LRTM1: variants seen among roughly 807,000 people sequenced by gnomAD.
LRTM1 encodes the protein leucine rich repeat transmembrane protein 1, also known as leucine-rich repeat and transmembrane domain-containing protein 1.
Under a neutral mutation model 32.4 loss-of-function variants are expected in LRTM1, and 38 were observed. The observed-to-expected ratio is 1.17, with a 90% CI of 0.91 to 1.54. The LOEUF (loss-of-function observed/expected upper bound fraction) is 1.54. Ranked by LOEUF, LRTM1 falls within the 40% of genes most tolerant of loss-of-function variation. The pLI, the probability that LRTM1 is intolerant of heterozygous loss-of-function variation, is 0.00. For synonymous variants in LRTM1, 186 were observed against 169.9 expected (o/e 1.09, Z -0.74); for missense variants, 466 against 415.4 (o/e 1.12, Z -1.06).
chr3:54,946,940 A>G (rs959852797), intron 1 of LRTM1, among the ~76,000 whole-genome samples: 1 of 152,192 alleles, frequency 6.6e-6, no homozygotes, highest in African/African-American at 2.4e-5. Flanking sequence ...ATAGTTAAGC[A>G]TTGTGAAAAA....
chr3:54,936,569 C>T (rs192120992), intron 1 of LRTM1, among the ~76,000 whole-genome samples: 21 of 152,314 alleles, frequency 1.4e-4, no homozygotes, highest in African/African-American at 4.6e-4. Flanking sequence ...GCACCTTCCC[C>T]TTCTGGTGCA....
intron 1 of LRTM1, among the ~76,000 whole-genome samples, chr3:54,934,853 T>A (rs1334981723): frequency 2.0e-5 from 3 of 152,160 alleles, no homozygotes; most frequent in Non-Finnish European, 4.4e-5. Context: ...TGCCTCAGCC[T>A]CCCGAGTAGC....
At chr3:54,945,444 T>C (rs992145591) in intron 1 of LRTM1, among the ~76,000 whole-genome samples, 1 of 152,186 alleles carries the variant, frequency 6.6e-6, no homozygotes, top group Non-Finnish European at 1.5e-5. Flanking sequence ...CAGGCATGTA[T>C]CTCTTTTTCC....
At chr3:54,935,058 G>T (rs1701295961) in intron 1 of LRTM1, among the ~76,000 whole-genome samples, 1 of 152,214 alleles carries the variant, frequency 6.6e-6, no homozygotes, top group Non-Finnish European at 1.5e-5. Flanking sequence ...CTATTTAGCA[G>T]TTTTCTCATC....
Position 54,942,597 on chromosome 3 carries a change from A to G in LRTM1, c.-221-17382T>C, listed in dbSNP as rs1317003637. 2.0e-5 allele frequency among the ~76,000 whole-genome samples: 3 copies of G among 152,284 alleles called. No individual in the cohort carries two copies. The East Asian group carries it at 5.8e-4, about 29-fold the overall frequency. On this transcript the variant is annotated intron_variant, in intron 1 of 2. Coordinates refer to the LRTM1 transcript ENST00000493075. ...GTGCTAAAGATGTTTTAAAAAGAAA[A>G]AGAAGCAGGAGCCAGGCATACTGGT...
chr3:54,951,999 C>T (rs559052622), intron 1 of LRTM1, among the ~76,000 whole-genome samples: 1 of 152,280 alleles, frequency 6.6e-6, no homozygotes, highest in Non-Finnish European at 1.5e-5. Context: ...CAGGTGCCTG[C>T]CACCATACCT....
upstream of LRTM1, among the ~76,000 whole-genome samples, chr3:54,928,877 A>T (rs1398886297): frequency 1.3e-5 from 2 of 151,894 alleles, no homozygotes; most frequent in South Asian, 2.1e-4. Flanking sequence ...GTCGACTGTG[A>T]CTCTTCTCTA....
intron 1 of LRTM1, among the ~76,000 whole-genome samples, chr3:54,936,537 C>G (rs915106017): frequency 2.0e-5 from 3 of 152,176 alleles, no homozygotes; most frequent in Non-Finnish European, 4.4e-5. Context: ...TTTGCTGCAG[C>G]CTCCATTCAG....
intron 1 of LRTM1, among the ~76,000 whole-genome samples, chr3:54,933,277 A>G (rs543784369): frequency 4.7e-4 from 72 of 152,364 alleles, no homozygotes; most frequent in African/African-American, 1.6e-3. Flanking sequence ...AAATTATGCT[A>G]TTTTAACAAA....
chr3:54,949,667 A>G (rs12636204), intron 1 of LRTM1, among the ~76,000 whole-genome samples: 2,915 of 152,204 alleles, frequency 0.019, 72 homozygotes, highest in African/African-American at 0.064. Context: ...GCAAACAGTA[A>G]CCTGAAAAAC....
intron 1 of LRTM1, among the ~76,000 whole-genome samples, chr3:54,956,507 A>G: frequency 6.6e-6 from 1 of 152,170 alleles, no homozygotes; most frequent in East Asian, 1.9e-4. Context: ...TAACGTTCTC[A>G]GTCTTTTCAA....
chr3:54,946,893 G>A (rs1701629695), intron 1 of LRTM1, among the ~76,000 whole-genome samples: 1 of 151,942 alleles, frequency 6.6e-6, no homozygotes, highest in Non-Finnish European at 1.5e-5. Context: ...TAGTGTGAAT[G>A]ATCTTTATCT....
intron 1 of LRTM1, among the ~76,000 whole-genome samples, chr3:54,954,655 C>T (rs995409921): frequency 2.0e-5 from 3 of 152,142 alleles, no homozygotes; most frequent in Non-Finnish European, 4.4e-5. Context: ...CAAACTGGCC[C>T]AGGCAGTTCC....
At chr3:54,947,029 A>G (rs75008231) in intron 1 of LRTM1, among the ~76,000 whole-genome samples, 2,654 of 152,320 alleles carry the variant, frequency 0.017, 70 homozygotes, top group African/African-American at 0.057. Flanking sequence ...TGGGTCATCA[A>G]TAATCTTTTC....
Position 54,924,697 on chromosome 3 carries a change from G to T in LRTM1, c.526C>A (p.Leu176Ile), listed in dbSNP as rs767293144. The change falls in exon 2 of 3, where the codon CTT becomes ATT. Residue 176 changes from leucine to isoleucine, a missense_variant. By Grantham distance (5) the Leu-to-Ile change is conservative (BLOSUM62 2). Coordinates refer to ENST00000273286, the MANE Select transcript of LRTM1 (RefSeq NM_020678.4). ...LESMPSVRLLLLKDNLWKCNC... is the reference protein window; with the variant it reads ...LESMPSVRLLILKDNLWKCNC... ...CATTTCCAGAGGTTGTCCTTGAGAA[G>T]TAAAAGCCTCACACTGGGCATGGAT... 1 of 1,614,136 alleles carries T rather than the reference G, an allele frequency of 6.2e-7. No individual in the cohort carries two copies. The highest frequency in any genetic ancestry group is 2.2e-5 in the East Asian group (1 of 44,862).
chr3:54,937,538 C>T lies in LRTM1; in HGVS notation c.-221-12323G>A, dbSNP rs557916102. On this transcript the variant is annotated intron_variant, in intron 1 of 2. Coordinates refer to the LRTM1 transcript ENST00000493075. Reference sequence around the variant, plus strand: ...TTAGTGGACCTGTGCAGTTCAAACTCGTGTTGTGCAAGGGTCAACTGTATA... The same window carrying T: ...TTAGTGGACCTGTGCAGTTCAAACTTGTGTTGTGCAAGGGTCAACTGTATA... 2.7e-3 allele frequency among the ~76,000 whole-genome samples: 418 copies of T among 152,196 alleles called. 2 individuals carry two copies. The highest frequency in any genetic ancestry group is 9.4e-3 in the African/African-American group (391 of 41,522).
intron 1 of LRTM1, among the ~76,000 whole-genome samples, chr3:54,949,564 A>G (rs1188300528): frequency 1.3e-5 from 2 of 152,182 alleles, no homozygotes; most frequent in Non-Finnish European, 2.9e-5. Flanking sequence ...AAATCTACCC[A>G]TTGATGCCAT....
At chr3:54,919,203 C>G (rs995086514) in intron 2 of LRTM1, among the ~76,000 whole-genome samples, 1 of 152,198 alleles carries the variant, frequency 6.6e-6, no homozygotes, top group Admixed American at 6.5e-5. Context: ...ACGCTGGGGG[C>G]CGATGGTGAG....
intron 1 of LRTM1, among the ~76,000 whole-genome samples, chr3:54,935,428 A>AC (rs921437212): frequency 1.3e-5 from 2 of 152,220 alleles, no homozygotes; most frequent in African/African-American, 4.8e-5. Context: ...GGTGGAATAA[A>AC]CATAGGCAGA....
Sources: gnomAD v4.1 joint callset for allele counts (sites outside exome capture counted in the v4.1 genomes callset) on GRCh38, gnomAD v4.1.1 for gene constraint, MANE v1.5 for transcripts, NCBI Gene and HGNC (gene_info 2026-07-23, HGNC 2026-07-21) for gene names.